Variants in TRPS1 observed in about 807,000 individuals in gnomAD.
TRPS1 encodes transcriptional repressor GATA binding 1.
TRPS1 carries 6 observed loss-of-function variants against 101.2 expected under a neutral mutation model. The observed-to-expected ratio is 0.06, with a 90% CI of 0.03 to 0.12. The LOEUF (loss-of-function observed/expected upper bound fraction) is 0.12, where lower values mean the gene tolerates loss of function less well. Ranked by LOEUF, TRPS1 falls within the 10% of genes least tolerant of loss-of-function variation. The pLI, the probability that TRPS1 is intolerant of heterozygous loss-of-function variation, is 1.00. For missense variants in TRPS1, 1,363 were observed against 1,567.0 expected (o/e 0.87, Z 2.20); for synonymous variants, 578 against 589.8 (o/e 0.98, Z 0.29).
At chr8:115,613,313 G>C (rs890638168) in intron 3 of TRPS1, among the ~76,000 whole-genome samples, 10 of 152,164 alleles carry the variant, frequency 6.6e-5, no homozygotes, top group Admixed American at 5.9e-4. Context: ...ATTTCGAATA[G>C]AAGCTTAGTA....
Position 115,598,977 on chromosome 8 carries a change from C to T in TRPS1, c.2096+4896G>A, listed in dbSNP as rs551742607. ...ACATCATCCTGCTTAGTGTATGCTA[C>T]GCTTCTTTGTATCTGAGTATTTATG... On this transcript the variant is annotated intron_variant, in intron 4 of 6. Transcript: ENST00000395715. Among the ~76,000 whole-genome samples, 32 of 152,238 alleles carry T rather than the reference C, an allele frequency of 2.1e-4. No homozygotes were observed. In the South Asian group the frequency reaches 3.5e-3, roughly 17 times the overall value.
At chr8:115,555,763 C>T (rs1028616599) in intron 5 of TRPS1, among the ~76,000 whole-genome samples, 8 of 152,034 alleles carry the variant, frequency 5.3e-5, no homozygotes, top group Admixed American at 2.0e-4. Context: ...CTCAGCTCTT[C>T]GGGGCTAAGT....
intron 5 of TRPS1, among the ~76,000 whole-genome samples, chr8:115,536,535 A>AAAC (rs1816326874): frequency 1.3e-5 from 2 of 151,776 alleles, no homozygotes; most frequent in Admixed American, 1.3e-4. Flanking sequence ...AAAAAAAAAA[A>AAAC]AAAAAATGTA....
At chr8:115,462,641 CT>C (rs773440841) in intron 5 of TRPS1, among the ~76,000 whole-genome samples, 3,530 of 62,828 alleles carry the variant, frequency 0.056, 78 homozygotes, top group African/African-American at 0.11. Flanking sequence ...CTCTCTCTCT[CT>C]TTTTTTTTTT....
chr8:115,624,466 C>T (rs2130545415), intron 1 of TRPS1, among the ~76,000 whole-genome samples: 1 of 151,996 alleles, frequency 6.6e-6, no homozygotes, highest in South Asian at 2.1e-4. Context: ...ACCTGAACAG[C>T]CCATATAATG....
At chr8:115,547,477 G>A (rs1468847139) in intron 5 of TRPS1, among the ~76,000 whole-genome samples, 1 of 152,158 alleles carries the variant, frequency 6.6e-6, no homozygotes, top group East Asian at 1.9e-4. Flanking sequence ...GTGAATACCT[G>A]CCCCTAGAGC....
intron 5 of TRPS1, among the ~76,000 whole-genome samples, chr8:115,495,253 T>G (rs1313482064): frequency 2.0e-5 from 3 of 152,104 alleles, no homozygotes; most frequent in Non-Finnish European, 4.4e-5. Flanking sequence ...GTTTTATAAT[T>G]CTGGTTACTA....
At chr8:115,611,924 G>T (rs1038373954) in intron 3 of TRPS1, among the ~76,000 whole-genome samples, 7 of 152,162 alleles carry the variant, frequency 4.6e-5, no homozygotes, top group African/African-American at 1.7e-4. Context: ...TTATTGGAGA[G>T]CTGATATTTA....
At position 115,530,021 on chromosome 8, in the gene TRPS1, C is replaced by T. The variant is rs1245577070; in HGVS notation, c.2700+56980G>A. Among the ~76,000 whole-genome samples, 2 of 152,016 alleles carry T rather than the reference C, an allele frequency of 1.3e-5. 1 individual carries two copies. The highest frequency in any genetic ancestry group is 2.9e-5 in the Non-Finnish European group (2 of 67,974). Reference sequence around the variant, plus strand: ...AAAGACAGGGTAACCAAAAGCTGAGCCTGAATATCGGGTTCCTATATTTTC... The same window carrying T: ...AAAGACAGGGTAACCAAAAGCTGAGTCTGAATATCGGGTTCCTATATTTTC... On this transcript the variant is annotated intron_variant, in intron 5 of 6. Transcript: ENST00000395715.
chr8:115,570,923 G>A (rs1250312118), intron 5 of TRPS1, among the ~76,000 whole-genome samples: 1 of 152,192 alleles, frequency 6.6e-6, no homozygotes, highest in Non-Finnish European at 1.5e-5. Context: ...GACCGAACCA[G>A]AATACTGTGC....
At chr8:115,478,285 T>A (rs905504032) in intron 5 of TRPS1, among the ~76,000 whole-genome samples, 1 of 152,224 alleles carries the variant, frequency 6.6e-6, no homozygotes, top group African/African-American at 2.4e-5. Flanking sequence ...AATATGCTTA[T>A]CGGAGATACG....
chr8:115,605,280 C>T (rs1818011666), intron 3 of TRPS1, among the ~76,000 whole-genome samples: 2 of 152,154 alleles, frequency 1.3e-5, no homozygotes, highest in Admixed American at 1.3e-4. Flanking sequence ...CTTAATAATA[C>T]ATTTTTTAAA....
chr8:115,616,721 T>C (rs1818284263), intron 3 of TRPS1, among the ~76,000 whole-genome samples: 1 of 152,214 alleles, frequency 6.6e-6, no homozygotes, highest in Admixed American at 6.5e-5. Flanking sequence ...TTTACCAACA[T>C]CTTTTTATCA....
chr8:115,519,706 A>C (rs1434764481), intron 5 of TRPS1, among the ~76,000 whole-genome samples: 4 of 151,796 alleles, frequency 2.6e-5, no homozygotes, highest in African/African-American at 9.6e-5. Context: ...TTGTGTAAAC[A>C]ACATTAATAA....
At position 115,604,059 on chromosome 8, in the gene TRPS1, G is replaced by C; in HGVS notation, c.1910C>G (p.Pro637Arg). ...GTGAAAGAGGAGTACATCTACGTCA[G>C]GGGTGGTGAATGAACACTGATGGCA... ...HQCHQCSFTT[P>R]DVDVLLFHYE... The change falls in exon 4 of 7, where the codon CCT (proline) becomes CGT (arginine). Residue 637 changes from proline to arginine, a missense_variant. Physicochemically the swap from Pro to Arg is moderately radical, Grantham distance 103. Transcript: ENST00000395715. This position sits in a 1 kb window ranked among gnomAD's most constrained non-coding sequence, Gnocchi z 4.1. 1 of 1,614,062 alleles carries C rather than the reference G, an allele frequency of 6.2e-7. No individual in the cohort carries two copies. Among genetic ancestry groups the C allele is most frequent in the East Asian group, 2.2e-5 (1 of 44,860 alleles).
chr8:115,466,385 A>G (rs972895369), intron 5 of TRPS1, among the ~76,000 whole-genome samples: 1 of 152,188 alleles, frequency 6.6e-6, no homozygotes, highest in African/African-American at 2.4e-5. Flanking sequence ...GAAATTGTTG[A>G]CAAATGTAAT....
chr8:115,578,548 A>T (rs1029802197), intron 5 of TRPS1, among the ~76,000 whole-genome samples: 6 of 152,106 alleles, frequency 3.9e-5, no homozygotes, highest in African/African-American at 1.4e-4. Context: ...TCACTATTCC[A>T]TGGTATAATG....
At chr8:115,659,402 T>C (rs1326923171) in intron 1 of TRPS1, among the ~76,000 whole-genome samples, 1 of 151,656 alleles carries the variant, frequency 6.6e-6, no homozygotes, top group African/African-American at 2.4e-5. Flanking sequence ...ATAATTTAAA[T>C]ATAATTACTA....
chr8:115,583,356 T>C (rs1817493092), intron 5 of TRPS1, among the ~76,000 whole-genome samples: 1 of 138,886 alleles, frequency 7.2e-6, no homozygotes, highest in African/African-American at 2.9e-5. Flanking sequence ...TTAAGAAACA[T>C]CTATTGGAAT....
Sources: gnomAD v4.1 joint callset for allele counts (sites outside exome capture counted in the v4.1 genomes callset) on GRCh38, gnomAD v4.1.1 for gene constraint, Gnocchi (gnomAD v3.1) non-coding constraint, MANE v1.5 for transcripts, NCBI Gene and HGNC (gene_info 2026-07-23, HGNC 2026-07-21) for gene names.